Variants in ADAMTSL1 observed in about 807,000 individuals in gnomAD.
ADAMTSL1 encodes the protein ADAMTS-like protein 1.
ADAMTSL1 carries 126 observed loss-of-function variants against 201.8 expected under a neutral mutation model. That is an observed-to-expected ratio of 0.62 (90% CI 0.54 to 0.72). The LOEUF (loss-of-function observed/expected upper bound fraction) is 0.72. ADAMTSL1 is among the 30% of genes least tolerant of loss of function. The pLI is 0.00. For synonymous variants in ADAMTSL1, 1,121 were observed against 903.4 expected, an observed-to-expected ratio of 1.24 and a Z score of -4.32; for missense variants, 2,679 against 2,277.8, an observed-to-expected ratio of 1.18 and a Z score of -3.59.
intron 2 of ADAMTSL1, among the ~76,000 whole-genome samples, chr9:18,195,441 T>C (rs567380255): frequency 5.1e-4 from 77 of 152,254 alleles, no homozygotes; most frequent in African/African-American, 1.7e-3. Context: ...ATCTTTCTTA[T>C]GAGGAGCTAG....
chr9:18,143,922 AG>A (rs924531051), intron 1 of ADAMTSL1, among the ~76,000 whole-genome samples: 4 of 152,140 alleles, frequency 2.6e-5, no homozygotes, highest in African/African-American at 9.7e-5. Flanking sequence ...GAAAATGGGG[AG>A]GGGGCAGATA....
At chr9:18,402,539 G>A (rs547258828) in intron 2 of ADAMTSL1, among the ~76,000 whole-genome samples, 16 of 152,046 alleles carry the variant, frequency 1.1e-4, no homozygotes, top group African/African-American at 3.1e-4. Flanking sequence ...CCATAGAACC[G>A]TTTTCAGTGA....
intron 2 of ADAMTSL1, among the ~76,000 whole-genome samples, chr9:18,308,369 C>T (rs1371091929): frequency 2.0e-5 from 3 of 151,986 alleles, no homozygotes; most frequent in African/African-American, 7.3e-5. Flanking sequence ...GAGATAGAGA[C>T]ACGAAAAACC....
chr9:18,758,851 A>G (rs1445579342), intron 16 of ADAMTSL1, among the ~76,000 whole-genome samples: 4 of 152,186 alleles, frequency 2.6e-5, no homozygotes, highest in African/African-American at 9.6e-5. Context: ...TGAAGCACTT[A>G]GTCCCCACTA....
At chr9:18,721,446 A>T in intron 14 of ADAMTSL1, 90 bp from the exon 15 acceptor site, 2 of 1,538,538 alleles carry the variant, frequency 1.3e-6, no homozygotes, top group Non-Finnish European at 1.8e-6. Context: ...GAACACAGGG[A>T]CCTCCCACCA....
chr9:18,818,680 C>G (rs1824013792), intron 21 of ADAMTSL1, among the ~76,000 whole-genome samples: 1 of 151,956 alleles, frequency 6.6e-6, no homozygotes, highest in Non-Finnish European at 1.5e-5. Flanking sequence ...ATAGTCTCAG[C>G]TGAGGGAGGC....
At chr9:17,950,763 A>G (rs1827703242) in intron 1 of ADAMTSL1, among the ~76,000 whole-genome samples, 1 of 152,134 alleles carries the variant, frequency 6.6e-6, no homozygotes, top group South Asian at 2.1e-4. Context: ...CGGCACACTC[A>G]TGCTGGGTAA....
chr9:18,515,210 T>C (rs1017099666), intron 2 of ADAMTSL1, among the ~76,000 whole-genome samples: 1 of 152,162 alleles, frequency 6.6e-6, no homozygotes, highest in Non-Finnish European at 1.5e-5. Context: ...CTCCAAATGA[T>C]TTTAGTGTGT....
intron 14 of ADAMTSL1, chr9:18,718,554 C>G (rs1833112415): frequency 4.1e-6 from 2 of 484,370 alleles, no homozygotes; most frequent in Non-Finnish European, 8.3e-6. Flanking sequence ...AACCTAGTAC[C>G]TCTCACGCTG....
At chr9:18,645,613 C>T (rs972644860) in intron 7 of ADAMTSL1, among the ~76,000 whole-genome samples, 2 of 151,846 alleles carry the variant, frequency 1.3e-5, no homozygotes, top group African/African-American at 4.8e-5. Flanking sequence ...GTGTGGCTAG[C>T]CAGTTTTCCC....
intron 1 of ADAMTSL1, among the ~76,000 whole-genome samples, chr9:18,481,505 T>G (rs1226768971): frequency 2.0e-5 from 3 of 152,142 alleles, no homozygotes; most frequent in Admixed American, 1.3e-4. Flanking sequence ...TCAAGAGTTT[T>G]TTTTTTTTTT....
rs561157911 is a variant in ADAMTSL1 at position 18,603,987 on chromosome 9, G to A, written c.475-18256G>A. 1.8e-4 allele frequency among the ~76,000 whole-genome samples: 28 copies of A among 152,312 alleles called. No homozygotes were observed. In the East Asian group the frequency reaches 2.7e-3, roughly 15 times the overall value. ...GCTCAGTCGCAGATGGAACAATGGC[G>A]AGAGCACACCTGAACAAAGGAAAAG... On this transcript the variant is annotated intron_variant, in intron 4 of 28. Transcript: ENST00000380548.
chr9:18,337,885 A>G (rs1402546129), intron 2 of ADAMTSL1, among the ~76,000 whole-genome samples: 1 of 152,144 alleles, frequency 6.6e-6, no homozygotes, highest in Non-Finnish European at 1.5e-5. Flanking sequence ...AAATCAGCCA[A>G]ACTTTCTCCC....
chr9:18,531,598 T>G (rs933685341), intron 2 of ADAMTSL1, among the ~76,000 whole-genome samples: 1 of 152,232 alleles, frequency 6.6e-6, no homozygotes, highest in Admixed American at 6.5e-5. Flanking sequence ...TAAGATAGTC[T>G]GTGTATAATT....
chr9:18,521,791 A>G (rs2132033335), intron 2 of ADAMTSL1, among the ~76,000 whole-genome samples: 1 of 152,378 alleles, frequency 6.6e-6, no homozygotes, highest in East Asian at 1.9e-4. Context: ...AATAAAATGT[A>G]GAACATGATA....
intron 7 of ADAMTSL1, among the ~76,000 whole-genome samples, chr9:18,641,003 C>T (rs1394897029): frequency 6.6e-6 from 1 of 152,004 alleles, no homozygotes; most frequent in Non-Finnish European, 1.5e-5. Flanking sequence ...ACAGTATCTG[C>T]TACTCTGGTT....
At chr9:18,436,163 G>A (rs1337128480) in intron 2 of ADAMTSL1, among the ~76,000 whole-genome samples, 2 of 152,176 alleles carry the variant, frequency 1.3e-5, no homozygotes, top group African/African-American at 4.8e-5. Context: ...AAGTCTGAAG[G>A]AGGCTAGGGG....
chr9:18,735,748 C>CTTTTTTTTTTT (rs71333066), intron 15 of ADAMTSL1, among the ~76,000 whole-genome samples: 1 of 106,672 alleles, frequency 9.4e-6, no homozygotes, highest in Non-Finnish European at 1.9e-5. Flanking sequence ...ATTCTTTTTT[C>CTTTTTTTTTTT]TTTTTTTTTT....
At chr9:18,642,980 T>G (rs895347948) in intron 7 of ADAMTSL1, among the ~76,000 whole-genome samples, 2 of 151,994 alleles carry the variant, frequency 1.3e-5, no homozygotes, top group Non-Finnish European at 2.9e-5. Context: ...GTAGTTCTGT[T>G]TTTCAAATTT....
Sources: allele counts gnomAD v4.1 joint callset (sites outside exome capture counted in the v4.1 genomes callset), GRCh38; gene constraint gnomAD v4.1.1; transcripts MANE v1.5; gene names NCBI Gene and HGNC (gene_info 2026-07-23, HGNC 2026-07-21).